Variants in MDGA2 observed in about 807,000 individuals in gnomAD.
MDGA2 encodes the protein MAM domain-containing glycosylphosphatidylinositol anchor protein 2.
Under a neutral mutation model 117.8 loss-of-function variants are expected in MDGA2, and 40 were observed. The observed-to-expected ratio is 0.34, with a 90% CI of 0.26 to 0.44. MDGA2 has a LOEUF of 0.44. Ranked by LOEUF, MDGA2 falls within the 20% of genes least tolerant of loss-of-function variation. The pLI, the probability that MDGA2 is intolerant of heterozygous loss-of-function variation, is 1.00. For missense variants in MDGA2, 1,123 were observed against 1,250.6 expected (o/e 0.90, Z 1.54); for synonymous variants, 452 against 439.0 (o/e 1.03, Z -0.37).
rs557156461 is a variant in MDGA2 at position 47,069,537 on chromosome 14, T to A, written c.1196-7959A>T. On this transcript the variant is annotated intron_variant, in intron 6 of 16. Transcript: ENST00000399232. ...AATTAGTGGACTGTTCTCATTCACA[T>A]CACAATTGTCATGACATTGTCCCAG... 2.6e-5 allele frequency among the ~76,000 whole-genome samples: 4 copies of A among 152,332 alleles called. No individual in the cohort carries two copies. In the East Asian group the frequency reaches 7.7e-4, roughly 29 times the overall value.
intron 1 of MDGA2, among the ~76,000 whole-genome samples, chr14:47,412,246 T>C (rs1365758014): frequency 2.0e-5 from 3 of 152,134 alleles, no homozygotes; most frequent in Non-Finnish European, 4.4e-5. Flanking sequence ...GACAACTATT[T>C]AGAAGAAAAA....
chr14:47,578,949 T>C (rs1461104881), intron 1 of MDGA2, among the ~76,000 whole-genome samples: 2 of 152,182 alleles, frequency 1.3e-5, no homozygotes, highest in Non-Finnish European at 2.9e-5. Flanking sequence ...AGTACCATGT[T>C]AGGTCAAAGT....
chr14:47,384,865 C>A (rs1417018291), intron 1 of MDGA2, among the ~76,000 whole-genome samples: 3 of 152,198 alleles, frequency 2.0e-5, no homozygotes, highest in Admixed American at 2.0e-4. Context: ...GGAAACCATG[C>A]AACCAGAGAA....
At chr14:47,333,141 C>T (rs774654499) in intron 1 of MDGA2, among the ~76,000 whole-genome samples, 97 of 151,880 alleles carry the variant, frequency 6.4e-4, no homozygotes, top group Admixed American at 1.5e-3. Flanking sequence ...ATAATGATTT[C>T]CTTTGCATAT....
At chr14:47,047,164 T>C (rs2138705762) in intron 7 of MDGA2, among the ~76,000 whole-genome samples, 1 of 152,262 alleles carries the variant, frequency 6.6e-6, no homozygotes, top group African/African-American at 2.4e-5. Flanking sequence ...GTAAGGCTTC[T>C]TGTAGCTGAT....
intron 7 of MDGA2, among the ~76,000 whole-genome samples, chr14:47,060,624 T>C (rs924912976): frequency 1.3e-5 from 2 of 152,064 alleles, no homozygotes; most frequent in Non-Finnish European, 1.5e-5. Flanking sequence ...CAGATGTACA[T>C]TTAATCAAGA....
chr14:46,867,193 C>A (rs1465793245), intron 14 of MDGA2, among the ~76,000 whole-genome samples: 11 of 152,094 alleles, frequency 7.2e-5, no homozygotes, highest in Admixed American at 5.2e-4. Context: ...ACACATACAC[C>A]ATGGAATACT....
At chr14:47,329,791 T>C (rs908656573) in intron 1 of MDGA2, among the ~76,000 whole-genome samples, 1 of 151,780 alleles carries the variant, frequency 6.6e-6, no homozygotes, top group African/African-American at 2.4e-5. Context: ...AAATCAATAA[T>C]CACAGAACTC....
intron 1 of MDGA2, among the ~76,000 whole-genome samples, chr14:47,562,515 G>T (rs1895835948): frequency 6.6e-6 from 1 of 152,162 alleles, no homozygotes; most frequent in Admixed American, 6.5e-5. Context: ...AGGTTTTCTA[G>T]CTTGTGTGCA....
intron 8 of MDGA2, among the ~76,000 whole-genome samples, chr14:46,987,934 G>T (rs1212700827): frequency 3.3e-5 from 5 of 150,110 alleles, no homozygotes; most frequent in African/African-American, 1.2e-4. Flanking sequence ...GGGTGGGGGG[G>T]GGTGCGCGCG....
intron 1 of MDGA2, among the ~76,000 whole-genome samples, chr14:47,625,310 C>T (rs199869546): frequency 4.8e-5 from 7 of 146,260 alleles, no homozygotes; most frequent in Non-Finnish European, 1.1e-4. Context: ...TATGCAAAAA[C>T]AAAAAAAAAA....
chr14:47,350,180 C>A (rs1890848078), intron 1 of MDGA2, among the ~76,000 whole-genome samples: 1 of 152,198 alleles, frequency 6.6e-6, no homozygotes, highest in East Asian at 1.9e-4. Flanking sequence ...TTTAAACAGT[C>A]ACCTGTAACT....
At chr14:47,562,892 C>A (rs1594919159) in intron 1 of MDGA2, among the ~76,000 whole-genome samples, 1 of 152,066 alleles carries the variant, frequency 6.6e-6, no homozygotes, top group Admixed American at 6.6e-5. Context: ...CTTAACACTG[C>A]CTTAGCTGTG....
At chr14:46,937,935 G>C (rs559115140) in intron 9 of MDGA2, among the ~76,000 whole-genome samples, 66 of 151,910 alleles carry the variant, frequency 4.3e-4, no homozygotes, top group African/African-American at 1.5e-3. Context: ...GGCAACAAAA[G>C]CAATAATAAA....
At chr14:47,573,112 T>C (rs1738018138) in intron 1 of MDGA2, among the ~76,000 whole-genome samples, 1 of 152,138 alleles carries the variant, frequency 6.6e-6, no homozygotes, top group African/African-American at 2.4e-5. Flanking sequence ...TCTAATTTAA[T>C]GCGTAATCCC....
In MDGA2 at chr14:47,478,342, CATG is replaced by C. The variant is rs576493187; in HGVS notation, c.281-176795_281-176793del. Among the ~76,000 whole-genome samples the C allele has an allele frequency of 2.6e-3, 394 of 152,162 alleles. 3 individuals carry two copies. Among genetic ancestry groups the C allele is most frequent in the Non-Finnish European group, 4.0e-3 (271 of 68,006 alleles). ...TTATTCAATATCAAATGTTGTATTCCATGATATTTTTATTAAAAATTCAATTGT... is the reference window on the plus strand; with the variant it reads ...TTATTCAATATCAAATGTTGTATTCCATATTTTTATTAAAAATTCAATTGT... On this transcript the variant is annotated intron_variant, in intron 1 of 16. Transcript: ENST00000399232.
intron 8 of MDGA2, among the ~76,000 whole-genome samples, chr14:46,982,439 G>T (rs1319318722): frequency 6.6e-6 from 1 of 151,876 alleles, no homozygotes; most frequent in African/African-American, 2.4e-5. Context: ...GGCTGGGCAT[G>T]GTGGCTCATG....
chr14:47,393,840 T>C (rs1006966153), intron 1 of MDGA2, among the ~76,000 whole-genome samples: 1 of 152,184 alleles, frequency 6.6e-6, no homozygotes, highest in Non-Finnish European at 1.5e-5. Context: ...ACTTGACTAA[T>C]CATACTGGCT....
At chr14:47,438,424 C>A (rs907212514) in intron 1 of MDGA2, among the ~76,000 whole-genome samples, 5 of 152,254 alleles carry the variant, frequency 3.3e-5, no homozygotes, top group African/African-American at 1.2e-4. Flanking sequence ...TGTGTTCTGA[C>A]CTTGCAGCCT....
Sources: allele counts gnomAD v4.1 joint callset (sites outside exome capture counted in the v4.1 genomes callset), GRCh38; gene constraint gnomAD v4.1.1; transcripts MANE v1.5; gene names NCBI Gene and HGNC (gene_info 2026-07-23, HGNC 2026-07-21).